Variants in CCBE1 observed in about 807,000 individuals in gnomAD.
CCBE1 encodes the protein collagen and calcium-binding EGF domain-containing protein 1.
CCBE1 carries 37 observed loss-of-function variants against 50.0 expected under a neutral mutation model. The ratio of observed to expected loss-of-function variants is 0.74; its 90% CI spans 0.57 to 0.97. The LOEUF (loss-of-function observed/expected upper bound fraction) is 0.97, where lower values mean the gene tolerates loss of function less well. Ranked by LOEUF, CCBE1 falls within the 50% of genes least tolerant of loss-of-function variation. The pLI, the probability that CCBE1 is intolerant of heterozygous loss-of-function variation, is 0.00. For synonymous variants in CCBE1, 234 were observed against 203.7 expected, an observed-to-expected ratio of 1.15 and a Z score of -1.27; for missense variants, 538 against 523.8, an observed-to-expected ratio of 1.03 and a Z score of -0.26.
intron 2 of CCBE1, 149 bp downstream of exon 2, chr18:59,696,480 A>AT (rs1212373517): frequency 3.3e-6 from 5 of 1,515,890 alleles, no homozygotes; most frequent in Non-Finnish European, 4.4e-6. Flanking sequence ...ACCCTCAAAG[A>AT]TTCGCACCGC....
chr18:59,517,655 T>C (rs1391350532), intron 2 of CCBE1, among the ~76,000 whole-genome samples: 1 of 152,230 alleles, frequency 6.6e-6, no homozygotes, highest in Non-Finnish European at 1.5e-5. Context: ...CAGTCAGTTC[T>C]ATCCCTTTCT....
chr18:59,604,634 G>T (rs971317194), intron 2 of CCBE1, among the ~76,000 whole-genome samples: 1 of 152,130 alleles, frequency 6.6e-6, no homozygotes, highest in African/African-American at 2.4e-5. Context: ...AGCAGATATG[G>T]GAGATTTAGT....
intron 3 of CCBE1, among the ~76,000 whole-genome samples, chr18:59,477,915 G>A (rs1912389310): frequency 6.6e-6 from 1 of 152,160 alleles, no homozygotes; most frequent in Non-Finnish European, 1.5e-5. Flanking sequence ...CCTTGGCTAG[G>A]CCAAAGTGTC....
chr18:59,468,618 T>C (rs72960119), intron 4 of CCBE1, among the ~76,000 whole-genome samples: 22,376 of 152,008 alleles, frequency 0.15, 2,203 homozygotes, highest in Non-Finnish European at 0.21. Flanking sequence ...TTCTCAGAAA[T>C]GGTGCTCCCT....
intron 2 of CCBE1, among the ~76,000 whole-genome samples, chr18:59,665,174 G>GT (rs1465034234): frequency 8.4e-6 from 1 of 118,906 alleles, no homozygotes; most frequent in African/African-American, 4.0e-5. Context: ...GTCAACCAGA[G>GT]TCCCCCCGAG....
At chr18:59,677,173 C>G (rs2054516257) in intron 2 of CCBE1, among the ~76,000 whole-genome samples, 1 of 152,202 alleles carries the variant, frequency 6.6e-6, no homozygotes, top group South Asian at 2.1e-4. Flanking sequence ...TATTCCAGGC[C>G]AAAGATGACA....
chr18:59,469,047 C>T (rs576524266), intron 4 of CCBE1, among the ~76,000 whole-genome samples: 17 of 152,256 alleles, frequency 1.1e-4, no homozygotes, highest in Non-Finnish European at 1.8e-4. Context: ...CAGCTGCAGC[C>T]CAGGTGGCTG....
In CCBE1 at chr18:59,433,063, C is replaced by G. The variant is rs185632151; in HGVS notation, c.*2845G>C. On this transcript the variant is annotated 3_prime_UTR_variant, in exon 11 of 11. Transcript: ENST00000439986. The stretch of plus-strand genomic sequence containing the variant: ...GAATCAACAGCTGTTCAGTTCCTCT[C>G]TCTATAAACCCGTGGTTGGTGTGGC... The G allele has an allele frequency of 6.6e-5, 10 of 151,996 alleles. No individual in the cohort carries two copies. The highest frequency in any genetic ancestry group is 2.4e-4 in the African/African-American group (10 of 41,358). 9.4% of individuals were successfully genotyped at this position (151,996 alleles called of 1,614,324 possible).
At chr18:59,586,685 C>A (rs1220427386) in intron 2 of CCBE1, among the ~76,000 whole-genome samples, 4 of 152,218 alleles carry the variant, frequency 2.6e-5, no homozygotes, top group Non-Finnish European at 5.9e-5. Context: ...CTCTGCATGA[C>A]AAAGCCCAAA....
chr18:59,659,176 G>A (rs1042054924), intron 2 of CCBE1, among the ~76,000 whole-genome samples: 6 of 152,232 alleles, frequency 3.9e-5, no homozygotes, highest in African/African-American at 4.8e-5. Context: ...TTGGAGAAAC[G>A]TTCTATGTAA....
At position 59,539,198 on chromosome 18, in the gene CCBE1, C is replaced by CAA. The variant is rs777587430; in HGVS notation, c.213-58961_213-58960insTT. On this transcript the variant is annotated intron_variant, in intron 2 of 10. Coordinates refer to ENST00000439986, the MANE Select transcript of CCBE1 (RefSeq NM_133459.4). ...TATATTTAAAAAACACACACACACA[C>CAA]ACAAAAAACAAAAAAAAACAGCAAG... Among the ~76,000 whole-genome samples, 1,388 of 148,334 alleles carry CAA rather than the reference C, an allele frequency of 9.4e-3. 43 individuals are homozygous for CAA. In the East Asian group the frequency reaches 0.1, roughly 11 times the overall value.
intron 5 of CCBE1, among the ~76,000 whole-genome samples, chr18:59,459,620 G>A (rs555851880): frequency 6.6e-6 from 1 of 152,320 alleles, no homozygotes; most frequent in Admixed American, 6.5e-5. Context: ...ATTAGAAGTT[G>A]TAATGCCTTA....
chr18:59,451,687 A>G (rs1272342834), intron 6 of CCBE1, among the ~76,000 whole-genome samples: 1 of 152,218 alleles, frequency 6.6e-6, no homozygotes, highest in Admixed American at 6.5e-5. Flanking sequence ...ACTTCACAAC[A>G]CAAATATATA....
At chr18:59,580,071 C>A (rs1176646460) in intron 2 of CCBE1, among the ~76,000 whole-genome samples, 2 of 152,246 alleles carry the variant, frequency 1.3e-5, no homozygotes, top group East Asian at 3.9e-4. Flanking sequence ...AGGGTAAAGG[C>A]AGTTGTTGCT....
intron 7 of CCBE1, among the ~76,000 whole-genome samples, chr18:59,447,704 A>G (rs535465520): frequency 6.6e-6 from 1 of 152,044 alleles, no homozygotes; most frequent in Non-Finnish European, 1.5e-5. Context: ...GATAGTTTTC[A>G]TTTGGTTTTT....
At chr18:59,590,484 T>C (rs1365578869) in intron 2 of CCBE1, among the ~76,000 whole-genome samples, 1 of 152,110 alleles carries the variant, frequency 6.6e-6, no homozygotes, top group East Asian at 1.9e-4. Context: ...TCCAAAAATA[T>C]CAAATTTTTG....
rs1368980221 is a variant in CCBE1, at chr18:59,486,539, T to C, written c.213-6301A>G. ...ACCCTATGGATTTAGGAGGCTTCTCTAACCCTGAAACACAATGTATGAACA... is the reference window on the plus strand; with the variant it reads ...ACCCTATGGATTTAGGAGGCTTCTCCAACCCTGAAACACAATGTATGAACA... On this transcript the variant is annotated intron_variant, in intron 2 of 10. Coordinates refer to ENST00000439986, the MANE Select transcript of CCBE1 (RefSeq NM_133459.4). Among the ~76,000 whole-genome samples, 4 of 152,326 alleles carry C rather than the reference T, an allele frequency of 2.6e-5. No individual in the cohort carries two copies. In the East Asian group the frequency reaches 7.7e-4, roughly 29 times the overall value.
intron 2 of CCBE1, among the ~76,000 whole-genome samples, chr18:59,578,114 A>G (rs1002157373): frequency 6.6e-6 from 1 of 152,232 alleles, no homozygotes; most frequent in East Asian, 1.9e-4. Flanking sequence ...TGTACAAGAA[A>G]AAAAACCCCA....
intron 2 of CCBE1, among the ~76,000 whole-genome samples, chr18:59,628,135 G>A (rs1185591471): frequency 2.0e-5 from 3 of 152,104 alleles, no homozygotes; most frequent in Admixed American, 2.0e-4. Context: ...AATCACCTGA[G>A]CCTGGGGGCA....
Sources: gnomAD v4.1 joint callset for allele counts (sites outside exome capture counted in the v4.1 genomes callset) on GRCh38, gnomAD v4.1.1 for gene constraint, MANE v1.5 for transcripts, NCBI Gene and HGNC (gene_info 2026-07-23, HGNC 2026-07-21) for gene names.